Variants in FBXO28 observed in about 807,000 individuals in gnomAD.
FBXO28 encodes F-box protein 28, also known as F-box only protein 28.
Under a neutral mutation model 38.1 loss-of-function variants are expected in FBXO28, and 8 were observed. The observed-to-expected ratio is 0.21, with a 90% CI of 0.12 to 0.38. FBXO28 has a LOEUF of 0.38. Among genes scored for constraint, FBXO28 ranks in the 10% least tolerant of loss-of-function variants. The pLI is 1.00. For synonymous variants in FBXO28, 168 were observed against 173.8 expected (o/e 0.97, Z 0.26); for missense variants, 345 against 460.6 (o/e 0.75, Z 2.30).
In FBXO28 at chr1:224,160,716, T is replaced by C. The variant is rs1171286814; in HGVS notation, c.*2970T>C. 2 of 152,236 alleles carry C rather than the reference T, an allele frequency of 1.3e-5. No homozygotes were observed. The highest frequency in any genetic ancestry group is 2.9e-5 in the Non-Finnish European group (2 of 68,040). 9.4% of individuals were successfully genotyped at this position (152,236 alleles called of 1,614,324 possible). ...ACCATCAGGTCAAAAGCCACTGATT[T>C]GGGAAGCAATTTTTTTGCAAAACAC... On this transcript the variant is annotated 3_prime_UTR_variant, in exon 5 of 5. Coordinates refer to ENST00000366862, the MANE Select transcript of FBXO28 (RefSeq NM_015176.4).
chr1:224,126,478 C>T (rs1191365150), intron 1 of FBXO28, among the ~76,000 whole-genome samples: 2 of 152,060 alleles, frequency 1.3e-5, no homozygotes, highest in Non-Finnish European at 2.9e-5. Flanking sequence ...TAGAGGGTAC[C>T]TCAGTTTATT....
intron 3 of FBXO28, among the ~76,000 whole-genome samples, chr1:224,138,997 A>C (rs140016913): frequency 6.6e-6 from 1 of 151,606 alleles, no homozygotes; most frequent in Non-Finnish European, 1.5e-5. Flanking sequence ...GTTAGCCAGG[A>C]TGGCCTCAAT....
chr1:224,119,944 CTG>C (rs1457467747), intron 1 of FBXO28, among the ~76,000 whole-genome samples: 1 of 152,168 alleles, frequency 6.6e-6, no homozygotes, highest in Non-Finnish European at 1.5e-5. Flanking sequence ...ATTTAAGAAA[CTG>C]TTTTTGAGAA....
intron 4 of FBXO28, 131 bp downstream of exon 4, chr1:224,153,468 G>T: frequency 1.6e-6 from 1 of 623,832 alleles, no homozygotes; most frequent in South Asian, 2.4e-5. Flanking sequence ...TAATGAGATT[G>T]GATTATCAAC....
In FBXO28 at chr1:224,160,201, A is replaced by G. The variant is rs1054509426; in HGVS notation, c.*2455A>G. ...CATAATGGTATTTAAGGTTCAACAA[A>G]CCGCAGATTATTATGATCAGCTAGA... On this transcript the variant is annotated 3_prime_UTR_variant, in exon 5 of 5. Transcript: ENST00000366862. 3 of 152,216 alleles carry G rather than the reference A, an allele frequency of 2.0e-5. No homozygotes were observed. Among genetic ancestry groups the G allele is most frequent in the Admixed American group, 2.0e-4 (3 of 15,280 alleles). 9.4% of individuals were successfully genotyped at this position (152,216 alleles called of 1,614,324 possible).
intron 3 of FBXO28, among the ~76,000 whole-genome samples, chr1:224,134,998 A>G (rs1657140234): frequency 6.6e-6 from 1 of 152,154 alleles, no homozygotes; most frequent in Non-Finnish European, 1.5e-5. Flanking sequence ...GCAATATTTA[A>G]TACGTACTTT....
chr1:224,144,301 A>G (rs1056112275), intron 3 of FBXO28, among the ~76,000 whole-genome samples: 1 of 151,612 alleles, frequency 6.6e-6, no homozygotes, highest in Non-Finnish European at 1.5e-5. Context: ...TCGTCTCTAC[A>G]GAAAAAAAAA....
At chr1:224,133,644 A>G (rs1338711040) in intron 2 of FBXO28, among the ~76,000 whole-genome samples, 3 of 151,878 alleles carry the variant, frequency 2.0e-5, no homozygotes, top group Non-Finnish European at 4.4e-5. Flanking sequence ...CAGCCTCCCT[A>G]GTAGCTGGGA....
rs915045235 is a variant in FBXO28, at chr1:224,143,009, ATAAG to A, written c.516+8809_516+8812del. Among the ~76,000 whole-genome samples the A allele has an allele frequency of 1.9e-4, 29 of 152,172 alleles. 1 individual carries two copies. Among genetic ancestry groups the A allele is most frequent in the South Asian group, 1.2e-3 (6 of 4,814 alleles). On this transcript the variant is annotated intron_variant, in intron 3 of 4. Coordinates refer to ENST00000366862, the MANE Select transcript of FBXO28 (RefSeq NM_015176.4). ...CAGAAAGAGACTCTGAAATAAATAAATAAGTAAGTAAGTAAATAACAGAATGAGA... is the reference window on the plus strand; with the variant it reads ...CAGAAAGAGACTCTGAAATAAATAAATAAGTAAGTAAATAACAGAATGAGA...
intron 1 of FBXO28, among the ~76,000 whole-genome samples, chr1:224,125,749 C>G (rs1656889491): frequency 6.6e-6 from 1 of 151,278 alleles, no homozygotes; most frequent in African/African-American, 2.4e-5. Context: ...TTAAGCGATT[C>G]TCCTGCTTTA....
chr1:224,144,512 C>A (rs778981363), intron 3 of FBXO28, among the ~76,000 whole-genome samples: 11 of 151,984 alleles, frequency 7.2e-5, no homozygotes, highest in Admixed American at 2.0e-4. Context: ...ATGATTTCAG[C>A]ACTTTGGGAG....
At chr1:224,114,622 C>A (rs1337770818) in intron 1 of FBXO28, among the ~76,000 whole-genome samples, 2 of 65,390 alleles carry the variant, frequency 3.1e-5, no homozygotes, top group Non-Finnish European at 6.7e-5. Flanking sequence ...CCTGAGGGGA[C>A]TTCGCCTTGG....
Position 224,114,325 on chromosome 1 carries a change from G to GCGCT in FBXO28, c.197_200dup (p.Pro68AlafsTer19), listed in dbSNP as rs1428621817. On this transcript the variant is annotated frameshift_variant, in exon 1 of 5. Coordinates refer to ENST00000366862, the MANE Select transcript of FBXO28 (RefSeq NM_015176.4). LOFTEE classifies it high-confidence loss of function. ...GCTGCCTCAAAACAACACGCTTGTG[G>GCGCT]CGCTGCCCATCGTAGCCATCGAGAA... 6.3e-7 allele frequency: 1 copy of GCGCT among 1,585,252 alleles called. No homozygotes were observed. The highest frequency in any genetic ancestry group is 1.3e-5 in the African/African-American group (1 of 74,234).
intron 2 of FBXO28, among the ~76,000 whole-genome samples, chr1:224,132,140 C>A (rs571490759): frequency 2.4e-4 from 37 of 152,196 alleles, no homozygotes; most frequent in Admixed American, 4.6e-4. Flanking sequence ...GTAATCCCAA[C>A]TACTCAGGAG....
chr1:224,139,760 G>GCATACATA lies in FBXO28; in HGVS notation c.516+5551_516+5552insACATACAT, dbSNP rs1218119009. On this transcript the variant is annotated intron_variant, in intron 3 of 4. Transcript: ENST00000366862. ...GTCTGAAATAAATACATACATGCAT[G>GCATACATA]CATGCATACATACATACATACATAC... 7.4e-4 allele frequency among the ~76,000 whole-genome samples: 12 copies of GCATACATA among 16,120 alleles called. No individual in the cohort carries two copies. In the South Asian group the frequency reaches 0.044, roughly 59 times the overall value. 10.6% of individuals were successfully genotyped at this position (16,120 alleles called of 152,430 possible).
At chr1:224,126,442 A>G (rs892480995) in intron 1 of FBXO28, among the ~76,000 whole-genome samples, 1 of 152,376 alleles carries the variant, frequency 6.6e-6, no homozygotes, top group East Asian at 1.9e-4. Flanking sequence ...TACAGAGACA[A>G]GAAGTGTTTT....
intron 2 of FBXO28, among the ~76,000 whole-genome samples, chr1:224,132,860 A>G (rs1657085810): frequency 6.6e-6 from 1 of 152,084 alleles, no homozygotes; most frequent in South Asian, 2.1e-4. Context: ...ACAGAGAGTT[A>G]TTGTCTGAGC....
chr1:224,146,459 TCACC>T (rs1326481699), intron 3 of FBXO28, among the ~76,000 whole-genome samples: 1 of 152,118 alleles, frequency 6.6e-6, no homozygotes, highest in South Asian at 2.1e-4. Context: ...AAATTATTTC[TCACC>T]CACAGTCTAA....
At chr1:224,127,267 A>C (rs1001913726) in intron 1 of FBXO28, among the ~76,000 whole-genome samples, 1 of 151,886 alleles carries the variant, frequency 6.6e-6, no homozygotes, top group Non-Finnish European at 1.5e-5. Context: ...CAGTAGCCAC[A>C]TGACGTTTGA....
Sources: gnomAD v4.1 joint callset for allele counts (sites outside exome capture counted in the v4.1 genomes callset) on GRCh38, gnomAD v4.1.1 for gene constraint, MANE v1.5 for transcripts, NCBI Gene and HGNC (gene_info 2026-07-23, HGNC 2026-07-21) for gene names.